SLC30A6: variants seen among roughly 807,000 people sequenced by gnomAD.
The protein encoded by SLC30A6 is solute carrier family 30 member 6.
In SLC30A6, 55 loss-of-function variants were observed where a neutral mutation model predicts 63.0. That is an observed-to-expected ratio of 0.87 (90% CI 0.70 to 1.09). The LOEUF is 1.09. Among genes scored for constraint, SLC30A6 ranks in the 50% least tolerant of loss-of-function variants. The pLI is 0.00. For synonymous variants in SLC30A6, 224 were observed against 186.1 expected (o/e 1.20, Z -1.66); for missense variants, 587 against 549.2 (o/e 1.07, Z -0.69).
At chr2:32,174,964 A>G (rs1246006550) in intron 3 of SLC30A6, among the ~76,000 whole-genome samples, 1 of 152,002 alleles carries the variant, frequency 6.6e-6, no homozygotes, top group Non-Finnish European at 1.5e-5. Context: ...TTTTTTTCTT[A>G]TATCTTTTTA....
chr2:32,204,022 G>A (rs1407303406), intron 10 of SLC30A6: 3 of 660,690 alleles, frequency 4.5e-6, no homozygotes, highest in African/African-American at 3.6e-5. Flanking sequence ...TAATCTACCA[G>A]TATGAGGTTG....
At chr2:32,181,604 C>T (rs1405999955) in intron 4 of SLC30A6, among the ~76,000 whole-genome samples, 2 of 152,120 alleles carry the variant, frequency 1.3e-5, no homozygotes, top group African/African-American at 2.4e-5. Context: ...AGGTGGCTCA[C>T]GCCTGTAATC....
intron 9 of SLC30A6, 140 bp from the exon 10 acceptor site, chr2:32,197,566 AG>A: frequency 7.5e-7 from 1 of 1,337,812 alleles, no homozygotes; most frequent in Non-Finnish European, 1.0e-6. Flanking sequence ...TATAAATGAA[AG>A]GGCTTTGTTC....
chr2:32,178,653 G>A (rs1682010016), intron 4 of SLC30A6, among the ~76,000 whole-genome samples: 1 of 152,124 alleles, frequency 6.6e-6, no homozygotes, highest in African/African-American at 2.4e-5. Context: ...ACTCCAGCCT[G>A]GACAACAGAG....
chr2:32,201,496 C>A (rs1684290072), intron 10 of SLC30A6: 1 of 486,936 alleles, frequency 2.1e-6, no homozygotes, highest in East Asian at 3.7e-5. Context: ...GAATGACACA[C>A]AGCCACGGCT....
chr2:32,207,978 A>G (rs1210112771), intron 12 of SLC30A6, among the ~76,000 whole-genome samples: 3 of 151,408 alleles, frequency 2.0e-5, no homozygotes. Flanking sequence ...GGTTACAGGC[A>G]TGAGCCACCA....
intron 13 of SLC30A6, among the ~76,000 whole-genome samples, chr2:32,212,341 G>A (rs538216485): frequency 6.6e-6 from 1 of 152,030 alleles, no homozygotes; most frequent in South Asian, 2.1e-4. Flanking sequence ...AGTTTTATCT[G>A]TCTGGTGATC....
At chr2:32,193,759 A>G in intron 7 of SLC30A6, 130 bp from the exon 8 acceptor site, 1 of 661,846 alleles carries the variant, frequency 1.5e-6, no homozygotes, top group Non-Finnish European at 2.6e-6. Flanking sequence ...CAGATTCTGT[A>G]TCTGGAAACA....
intron 12 of SLC30A6, 84 bp downstream of exon 12, chr2:32,207,017 T>C: frequency 9.0e-7 from 1 of 1,108,624 alleles, no homozygotes; most frequent in Non-Finnish European, 1.3e-6. Context: ...TATTCAACTC[T>C]ACCTAGAATT....
chr2:32,216,882 C>A (rs984509922), intron 13 of SLC30A6, among the ~76,000 whole-genome samples: 2 of 151,462 alleles, frequency 1.3e-5, no homozygotes, highest in Non-Finnish European at 2.9e-5. Context: ...AAGATTCTTA[C>A]AGTTTTGAGG....
intron 8 of SLC30A6, among the ~76,000 whole-genome samples, chr2:32,195,628 G>A (rs900944739): frequency 3.3e-5 from 5 of 150,094 alleles, no homozygotes; most frequent in African/African-American, 1.2e-4. Flanking sequence ...TTTTTCAAAG[G>A]CTTTGTTGTA....
At position 32,220,830 on chromosome 2, in the gene SLC30A6, T is replaced by A; in HGVS notation, c.*117T>A. The A allele has an allele frequency of 3.3e-6, 3 of 918,418 alleles. No individual in the cohort carries two copies. Among genetic ancestry groups the A allele is most frequent in the Non-Finnish European group, 4.8e-6 (3 of 624,374 alleles). The allele number at this position is 918,418 out of a possible 1,614,324, so 56.9% of individuals were successfully genotyped here. On this transcript the variant is annotated 3_prime_UTR_variant, in exon 14 of 14. Transcript: ENST00000282587. ...CTCTAAATGTTAGATAATAGTAGTC[T>A]TGTTCACATTTCATGAAACCTATGA...
intron 10 of SLC30A6, among the ~76,000 whole-genome samples, chr2:32,200,151 C>A (rs1000766279): frequency 6.6e-6 from 1 of 151,558 alleles, no homozygotes; most frequent in Non-Finnish European, 1.5e-5. Flanking sequence ...GTTTATTTGT[C>A]CCCTCTTTCC....
chr2:32,177,128 G>A (rs1418879817), intron 4 of SLC30A6, among the ~76,000 whole-genome samples: 1 of 152,020 alleles, frequency 6.6e-6, no homozygotes, highest in East Asian at 1.9e-4. Context: ...TTACTCTCCA[G>A]TCATTCCGTT....
In SLC30A6 at chr2:32,192,947, T is replaced by A; in HGVS notation, c.395T>A (p.Ile132Lys). 6.6e-7 allele frequency: 1 copy of A among 1,518,308 alleles called. No homozygotes were observed. The highest frequency in any genetic ancestry group is 2.0e-4 in the Middle Eastern group (1 of 5,124). 94.1% of individuals were successfully genotyped at this position (1,518,308 alleles called of 1,614,324 possible). The part of the protein sequence containing the change: ...SAERFLEQPE[I>K]HTGRLLVGTF... ...GAACGCTTTTTGGAACAGCCCGAGA[T>A]ACACACGTGAGATTTTATTTTCAAT... is the stretch of plus-strand genomic sequence containing the variant. The change falls in exon 7 of 14, where the codon ATA (isoleucine) becomes AAA (lysine). Residue 132 changes from isoleucine to lysine, a missense_variant. Coordinates refer to ENST00000282587, the MANE Select transcript of SLC30A6 (RefSeq NM_017964.5).
intron 4 of SLC30A6, among the ~76,000 whole-genome samples, chr2:32,182,736 C>G (rs955964696): frequency 6.6e-6 from 1 of 152,172 alleles, no homozygotes; most frequent in African/African-American, 2.4e-5. Flanking sequence ...TTCCATCATT[C>G]AGGAAAGCAG....
chr2:32,204,234 A>G (rs937722521), intron 10 of SLC30A6, among the ~76,000 whole-genome samples: 4 of 152,212 alleles, frequency 2.6e-5, no homozygotes, highest in African/African-American at 9.6e-5. Flanking sequence ...AAAAATTACT[A>G]GTTGAAGTTT....
At chr2:32,173,342 T>TA (rs1192791285) in intron 2 of SLC30A6, among the ~76,000 whole-genome samples, 2 of 152,134 alleles carry the variant, frequency 1.3e-5, no homozygotes, top group Non-Finnish European at 2.9e-5. Flanking sequence ...TTTCTCACCT[T>TA]ACTTGGTTGA....
intron 13 of SLC30A6, among the ~76,000 whole-genome samples, chr2:32,215,954 C>G (rs547309977): frequency 1.3e-5 from 2 of 152,274 alleles, no homozygotes; most frequent in South Asian, 4.1e-4. Flanking sequence ...CCCATCAATC[C>G]TAGGTGTTAT....
Sources: gnomAD v4.1 joint callset for allele counts (sites outside exome capture counted in the v4.1 genomes callset) on GRCh38, gnomAD v4.1.1 for gene constraint, MANE v1.5 for transcripts, NCBI Gene and HGNC (gene_info 2026-07-23, HGNC 2026-07-21) for gene names.